EFCAB5: variants seen among roughly 807,000 people sequenced by gnomAD.
EFCAB5 encodes EF-hand calcium-binding domain-containing protein 5.
A neutral mutation model predicts 167.9 loss-of-function variants in EFCAB5; 131 were observed. The ratio of observed to expected loss-of-function variants is 0.78; its 90% CI spans 0.68 to 0.90. The LOEUF (loss-of-function observed/expected upper bound fraction) is 0.90. Among genes scored for constraint, EFCAB5 ranks in the 40% least tolerant of loss-of-function variants. The pLI is 0.00. For missense variants in EFCAB5, 1,663 were observed against 1,745.2 expected, an observed-to-expected ratio of 0.95 and a Z score of 0.84; for synonymous variants, 574 against 602.8, an observed-to-expected ratio of 0.95 and a Z score of 0.70.
At chr17:29,933,908 C>T (rs1456375221) in intron 1 of EFCAB5, among the ~76,000 whole-genome samples, 1 of 151,992 alleles carries the variant, frequency 6.6e-6, no homozygotes, top group Non-Finnish European at 1.5e-5. Flanking sequence ...AGTATTTGTA[C>T]AGCACACTGG....
chr17:30,097,049 C>CATATACATATACAT (rs2071310292), intron 22 of EFCAB5, among the ~76,000 whole-genome samples: 1 of 50,938 alleles, frequency 2.0e-5, no homozygotes, highest in African/African-American at 1.2e-4. Flanking sequence ...TATACATATA[C>CATATACATATACAT]ATATATATAT....
intron 7 of EFCAB5, among the ~76,000 whole-genome samples, chr17:30,020,228 A>G (rs1430432199): frequency 6.6e-6 from 1 of 152,186 alleles, no homozygotes; most frequent in Non-Finnish European, 1.5e-5. Flanking sequence ...TACTGCAAAG[A>G]ATATTAGAGT....
At position 30,082,901 on chromosome 17, in the gene EFCAB5, A is replaced by C; in HGVS notation, c.3437A>C (p.Asn1146Thr). ...TTTCTGTCTCTACAGGGTGTTGCTAATGTCTTTAGCACTGCCTATCACTAC... is the reference window on the plus strand; with the variant it reads ...TTTCTGTCTCTACAGGGTGTTGCTACTGTCTTTAGCACTGCCTATCACTAC... ...HEIRFYQGVANVFSTAYHYVH... is the reference protein window; with the variant it reads ...HEIRFYQGVATVFSTAYHYVH... The change falls in exon 18 of 23, where the codon AAT (asparagine) becomes ACT (threonine). Residue 1146 changes from asparagine to threonine, a missense_variant. Coordinates refer to ENST00000394835, the MANE Select transcript of EFCAB5 (RefSeq NM_198529.4). The C allele has an allele frequency of 6.2e-7, 1 of 1,613,184 alleles. No individual in the cohort carries two copies. The highest frequency in any genetic ancestry group is 8.5e-7 in the Non-Finnish European group (1 of 1,179,508).
At chr17:29,979,500 A>G (rs1000477898) in intron 4 of EFCAB5, among the ~76,000 whole-genome samples, 1 of 152,156 alleles carries the variant, frequency 6.6e-6, no homozygotes, top group Non-Finnish European at 1.5e-5. Flanking sequence ...TTTTACTACC[A>G]TACATATTAA....
At chr17:30,028,198 T>C (rs1477534178) in intron 7 of EFCAB5, among the ~76,000 whole-genome samples, 1 of 152,194 alleles carries the variant, frequency 6.6e-6, no homozygotes, top group Non-Finnish European at 1.5e-5. Flanking sequence ...ATATCAGTCA[T>C]ACAATCTGAG....
At chr17:30,077,266 C>T (rs1323805606) in intron 14 of EFCAB5, among the ~76,000 whole-genome samples, 1 of 152,152 alleles carries the variant, frequency 6.6e-6, no homozygotes, top group Non-Finnish European at 1.5e-5. Flanking sequence ...TGTGCCACTA[C>T]ACTCCAGCTT....
At chr17:30,075,861 A>G (rs920174041) in intron 14 of EFCAB5, among the ~76,000 whole-genome samples, 4 of 152,194 alleles carry the variant, frequency 2.6e-5, no homozygotes, top group African/African-American at 9.7e-5. Context: ...TGGCTTTAGG[A>G]TCAAATTGTT....
chr17:30,059,761 A>G, intron 14 of EFCAB5, 60 bp downstream of exon 14: 1 of 1,460,046 alleles, frequency 6.8e-7, no homozygotes, highest in Non-Finnish European at 9.2e-7. Context: ...CAAGTTTCTC[A>G]GTACACATAT....
At position 30,107,760 on chromosome 17, in the gene EFCAB5, T is replaced by C. The variant is rs1008892341; in HGVS notation, c.4322-74T>C. The C allele has an allele frequency of 4.0e-6, 5 of 1,250,672 alleles. No individual in the cohort carries two copies. In the African/African-American group the frequency reaches 4.7e-5, roughly 12 times the overall value. 77.5% of individuals were successfully genotyped at this position (1,250,672 alleles called of 1,614,324 possible). Reference sequence around the variant, plus strand: ...CATATCTAATGAACTTTAATCATAATATTAGAACTTATAATTTTAATAGTA... The same window carrying C: ...CATATCTAATGAACTTTAATCATAACATTAGAACTTATAATTTTAATAGTA... On this transcript the variant is annotated intron_variant, in intron 22 of 22. Coordinates refer to ENST00000394835, the MANE Select transcript of EFCAB5 (RefSeq NM_198529.4).
rs150764900 is a variant in EFCAB5, at chr17:30,028,300, C to G, written c.1045-5930C>G. Reference sequence around the variant, plus strand: ...GATTCTGTCTTTCCTTTAATATACTCTAATAAATCCAGGCTGTGCATTTTT... The same window carrying G: ...GATTCTGTCTTTCCTTTAATATACTGTAATAAATCCAGGCTGTGCATTTTT... On this transcript the variant is annotated intron_variant, in intron 7 of 22. Transcript: ENST00000394835. Among the ~76,000 whole-genome samples, 161 of 152,304 alleles carry G rather than the reference C, an allele frequency of 1.1e-3. 3 individuals are homozygous for G. The East Asian group carries it at 0.027, about 25-fold the overall frequency.
At chr17:29,968,522 A>G in intron 3 of EFCAB5, 1 of 366,644 alleles carries the variant, frequency 2.7e-6, no homozygotes, top group Non-Finnish European at 5.0e-6. Context: ...TGTGATCATG[A>G]GGTACAAGCA....
intron 4 of EFCAB5, among the ~76,000 whole-genome samples, chr17:29,971,492 C>A (rs1318480092): frequency 2.0e-5 from 3 of 152,122 alleles, no homozygotes; most frequent in Non-Finnish European, 2.9e-5. Context: ...TTTTATATTA[C>A]TAGTTCTGTT....
chr17:29,948,069 G>T (rs183881178), intron 3 of EFCAB5, among the ~76,000 whole-genome samples: 12 of 152,116 alleles, frequency 7.9e-5, no homozygotes, highest in Admixed American at 5.9e-4. Flanking sequence ...CAGGTGATCC[G>T]CCCACCTCGG....
At chr17:29,935,435 T>G (rs1292651772) in intron 1 of EFCAB5, among the ~76,000 whole-genome samples, 4 of 152,004 alleles carry the variant, frequency 2.6e-5, no homozygotes, top group South Asian at 2.1e-4. Flanking sequence ...GGTACACACC[T>G]GCAGTCCTAG....
intron 22 of EFCAB5, among the ~76,000 whole-genome samples, chr17:30,098,238 A>G (rs1359403721): frequency 6.7e-6 from 1 of 149,698 alleles, no homozygotes; most frequent in African/African-American, 2.4e-5. Flanking sequence ...CCCAGGCTTC[A>G]ATTCTTTCTC....
intron 18 of EFCAB5, among the ~76,000 whole-genome samples, chr17:30,086,629 A>T (rs1351961283): frequency 6.6e-6 from 1 of 152,090 alleles, no homozygotes; most frequent in Non-Finnish European, 1.5e-5. Flanking sequence ...GTGGTGGCTC[A>T]CGCCTGTAAT....
intron 3 of EFCAB5, 56 bp from the exon 4 acceptor site, chr17:29,968,735 C>A: frequency 7.4e-7 from 1 of 1,342,546 alleles, no homozygotes; most frequent in Non-Finnish European, 9.8e-7. Context: ...TCTAAAGTCA[C>A]ATAGATTAAA....
intron 7 of EFCAB5, among the ~76,000 whole-genome samples, chr17:30,003,023 A>T (rs1455220562): frequency 3.7e-5 from 5 of 136,470 alleles, no homozygotes; most frequent in Non-Finnish European, 7.6e-5. Flanking sequence ...TGAATGTTAG[A>T]TCTTTTATTA....
intron 18 of EFCAB5, among the ~76,000 whole-genome samples, chr17:30,083,715 A>G (rs926908587): frequency 1.3e-5 from 2 of 152,152 alleles, no homozygotes; most frequent in African/African-American, 4.8e-5. Context: ...CAGCCTCCCA[A>G]AATGCTAGAA....
Sources: allele counts gnomAD v4.1 joint callset (sites outside exome capture counted in the v4.1 genomes callset), GRCh38; gene constraint gnomAD v4.1.1; transcripts MANE v1.5; gene names NCBI Gene and HGNC (gene_info 2026-07-23, HGNC 2026-07-21).